Variants in NKAIN2 observed in about 807,000 individuals in gnomAD.
NKAIN2 encodes the protein sodium/potassium-transporting ATPase subunit beta-1-interacting protein 2.
Under a neutral mutation model 32.6 loss-of-function variants are expected in NKAIN2, and 14 were observed. The ratio of observed to expected loss-of-function variants is 0.43; its 90% confidence interval spans 0.28 to 0.67. NKAIN2 has a LOEUF of 0.67. Among genes scored for constraint, NKAIN2 ranks in the 30% least tolerant of loss-of-function variants. The probability of loss-of-function intolerance (pLI) is 0.17; values close to 1 mark genes in which losing one functional copy is unlikely to be tolerated. For missense variants in NKAIN2, 198 were observed against 258.3 expected (o/e 0.77, Z 1.60); for synonymous variants, 80 against 87.2 (o/e 0.92, Z 0.46).
chr6:124,067,036 G>C (rs1261168794), intron 1 of NKAIN2, among the ~76,000 whole-genome samples: 2 of 152,054 alleles, frequency 1.3e-5, no homozygotes, highest in African/African-American at 4.8e-5. Flanking sequence ...TGTGACAGAG[G>C]TATCTTGTAA....
At chr6:124,659,940 C>T (rs2114433265) in intron 4 of NKAIN2, among the ~76,000 whole-genome samples, 1 of 152,220 alleles carries the variant, frequency 6.6e-6, no homozygotes, top group East Asian at 1.9e-4. Context: ...ACCATAGACA[C>T]TCCTTCCAAT....
intron 1 of NKAIN2, among the ~76,000 whole-genome samples, chr6:124,186,755 T>C (rs1055217989): frequency 6.6e-6 from 1 of 152,194 alleles, no homozygotes; most frequent in Non-Finnish European, 1.5e-5. Flanking sequence ...ATGTATTCAT[T>C]TTAAATTAGC....
chr6:124,685,257 C>G (rs1292218475), intron 4 of NKAIN2, among the ~76,000 whole-genome samples: 1 of 152,116 alleles, frequency 6.6e-6, no homozygotes, highest in Non-Finnish European at 1.5e-5. Flanking sequence ...AAAAAATTTT[C>G]TACCTATTTT....
intron 4 of NKAIN2, chr6:124,658,822 C>T (rs1784637866): frequency 4.8e-6 from 1 of 209,952 alleles, no homozygotes; most frequent in African/African-American, 2.3e-5. Context: ...GCCCTATCTC[C>T]TTCTTCCTTC....
At chr6:123,993,189 G>T (rs1442712556) in intron 1 of NKAIN2, among the ~76,000 whole-genome samples, 3 of 151,922 alleles carry the variant, frequency 2.0e-5, no homozygotes, top group African/African-American at 7.3e-5. Flanking sequence ...AAGGCAAAAG[G>T]GTATTGACAT....
In NKAIN2 at chr6:124,712,575, G is replaced by A. The variant is rs927530802; in HGVS notation, c.474+54189G>A. Reference sequence around the variant, plus strand: ...CGCAGTATTCGGGTGGGAGTGACCCGATTTTCCAGGTGCGTCCGTCACCCC... The same window carrying A: ...CGCAGTATTCGGGTGGGAGTGACCCAATTTTCCAGGTGCGTCCGTCACCCC... On this transcript the variant is annotated intron_variant, in intron 4 of 6. Transcript: ENST00000368417. Among the ~76,000 whole-genome samples, 11 of 140,202 alleles carry A rather than the reference G, an allele frequency of 7.8e-5. 1 individual carries two copies. Among genetic ancestry groups the A allele is most frequent in the Non-Finnish European group, 1.2e-4 (8 of 64,946 alleles). 92.0% of individuals were successfully genotyped at this position (140,202 alleles called of 152,430 possible). A position where few individuals can be genotyped will look rare whatever the true frequency, so the allele number is the denominator to read the frequency against.
intron 1 of NKAIN2, among the ~76,000 whole-genome samples, chr6:123,917,362 A>G (rs2114479308): frequency 6.6e-6 from 1 of 152,250 alleles, no homozygotes; most frequent in South Asian, 2.1e-4. Flanking sequence ...TGAAGTTGGT[A>G]TAAAAGTATG....
intron 1 of NKAIN2, among the ~76,000 whole-genome samples, chr6:124,159,994 A>T (rs1473857592): frequency 6.6e-6 from 1 of 152,062 alleles, no homozygotes; most frequent in Non-Finnish European, 1.5e-5. Flanking sequence ...TGAAGGCATC[A>T]TGTGTGTTGG....
chr6:123,833,511 T>C (rs1219030681), intron 1 of NKAIN2, among the ~76,000 whole-genome samples: 1 of 152,158 alleles, frequency 6.6e-6, no homozygotes, highest in Non-Finnish European at 1.5e-5. Context: ...ATAGATCAAG[T>C]TGGGAAAACC....
At chr6:124,431,643 A>G (rs1450818142) in intron 3 of NKAIN2, among the ~76,000 whole-genome samples, 1 of 152,190 alleles carries the variant, frequency 6.6e-6, no homozygotes, top group Non-Finnish European at 1.5e-5. Context: ...ACATCTATGG[A>G]AAATATATGA....
chr6:124,705,721 G>A (rs1257094885), intron 4 of NKAIN2, among the ~76,000 whole-genome samples: 2 of 152,056 alleles, frequency 1.3e-5, no homozygotes, highest in Non-Finnish European at 2.9e-5. Flanking sequence ...TAGAGTCACA[G>A]TAAAATCATA....
intron 1 of NKAIN2, among the ~76,000 whole-genome samples, chr6:123,814,665 T>C (rs538138619): frequency 1.3e-5 from 2 of 152,296 alleles, no homozygotes; most frequent in African/African-American, 2.4e-5. Context: ...TTCCCTTACA[T>C]TGAGAGAAAT....
At chr6:124,545,825 A>G (rs1242743251) in intron 3 of NKAIN2, among the ~76,000 whole-genome samples, 1 of 152,128 alleles carries the variant, frequency 6.6e-6, no homozygotes, top group South Asian at 2.1e-4. Context: ...ATGCAACTAC[A>G]AAATGAAATG....
chr6:123,833,579 A>G (rs767164378), intron 1 of NKAIN2, among the ~76,000 whole-genome samples: 2 of 151,840 alleles, frequency 1.3e-5, no homozygotes, highest in Admixed American at 6.6e-5. Context: ...CAATGTATGT[A>G]CTTCTTTGAT....
intron 1 of NKAIN2, among the ~76,000 whole-genome samples, chr6:123,939,126 C>T (rs924344528): frequency 9.2e-5 from 14 of 151,864 alleles, no homozygotes; most frequent in Non-Finnish European, 1.8e-4. Flanking sequence ...AGGATCTAGA[C>T]ACAATGTTAA....
chr6:123,821,637 A>C (rs1773926778), intron 1 of NKAIN2, among the ~76,000 whole-genome samples: 1 of 152,134 alleles, frequency 6.6e-6, no homozygotes, highest in African/African-American at 2.4e-5. Context: ...ATTTTTCTTT[A>C]TACTGTGAGG....
At chr6:124,755,355 G>A (rs1011166635) in intron 4 of NKAIN2, among the ~76,000 whole-genome samples, 4 of 152,130 alleles carry the variant, frequency 2.6e-5, no homozygotes, top group East Asian at 1.9e-4. Flanking sequence ...GCCCAACCAC[G>A]TTGAGGGTGG....
chr6:124,538,266 G>A (rs551338225), intron 3 of NKAIN2, among the ~76,000 whole-genome samples: 9 of 151,762 alleles, frequency 5.9e-5, no homozygotes, highest in Non-Finnish European at 1.2e-4. Flanking sequence ...TATCTGTAGG[G>A]AAGACTACCT....
At chr6:124,807,037 A>G (rs1221447918) in intron 5 of NKAIN2, among the ~76,000 whole-genome samples, 2 of 152,116 alleles carry the variant, frequency 1.3e-5, no homozygotes, top group Non-Finnish European at 2.9e-5. Context: ...CACATTAATA[A>G]TGGGAGACTT....
Sources: allele counts gnomAD v4.1 joint callset (sites outside exome capture counted in the v4.1 genomes callset), GRCh38; gene constraint gnomAD v4.1.1; transcripts MANE v1.5; gene names NCBI Gene and HGNC (gene_info 2026-07-23, HGNC 2026-07-21).